Variants in PHAX observed in about 807,000 individuals in gnomAD.
The protein encoded by PHAX is phosphorylated adaptor for RNA export, also known as phosphorylated adapter RNA export protein.
A neutral mutation model predicts 41.6 loss-of-function variants in PHAX; 31 were observed. The ratio of observed to expected loss-of-function variants is 0.75; its 90% CI spans 0.56 to 1.01. The LOEUF is 1.01. Among genes scored for constraint, PHAX ranks in the 50% least tolerant of loss-of-function variants. The pLI is 0.00. For missense variants in PHAX, 453 were observed against 472.9 expected (o/e 0.96, Z 0.39); for synonymous variants, 175 against 164.9 (o/e 1.06, Z -0.47).
chr5:126,622,959 C>T (rs1304181401), intron 4 of PHAX, among the ~76,000 whole-genome samples: 1 of 151,930 alleles, frequency 6.6e-6, no homozygotes, highest in Non-Finnish European at 1.5e-5. Flanking sequence ...AACCCCATCT[C>T]CACTAAAAAT....
intron 3 of PHAX, among the ~76,000 whole-genome samples, chr5:126,613,425 A>C (rs2112834041): frequency 6.6e-6 from 1 of 152,282 alleles, no homozygotes; most frequent in Admixed American, 6.5e-5. Context: ...GTGGCATATA[A>C]AAAAGTAAAA....
At chr5:126,617,802 C>T (rs990079574) in intron 4 of PHAX, among the ~76,000 whole-genome samples, 12 of 152,224 alleles carry the variant, frequency 7.9e-5, no homozygotes, top group Middle Eastern at 3.4e-3. Flanking sequence ...TTTGTAGAGA[C>T]GGGGTCTTGC....
At chr5:126,605,649 TG>T (rs1295750261) in intron 2 of PHAX, among the ~76,000 whole-genome samples, 1 of 152,160 alleles carries the variant, frequency 6.6e-6, no homozygotes, top group Non-Finnish European at 1.5e-5. Flanking sequence ...TTGCCTGCCT[TG>T]GCCTCCCAAA....
intron 3 of PHAX, among the ~76,000 whole-genome samples, chr5:126,613,915 A>C (rs188126989): frequency 6.6e-6 from 1 of 151,870 alleles, no homozygotes; most frequent in Non-Finnish European, 1.5e-5. Flanking sequence ...AGCTGGGACT[A>C]TAGGCTTAAG....
chr5:126,604,047 A>G lies in PHAX; in HGVS notation c.574A>G (p.Asn192Asp). Reference sequence around the variant, plus strand: ...AAAAATGGGATCAAAGGAAGAGGAAAATGGGCAAGGTCATCTCAAAAGGAA... The same window carrying G: ...AAAAATGGGATCAAAGGAAGAGGAAGATGGGCAAGGTCATCTCAAAAGGAA... ...GKKMGSKEEE[N>D]GQGHLKRKRP... Residue 192 changes from asparagine to aspartate, a missense_variant, in exon 2 of 5, where the codon AAT becomes GAT. Transcript: ENST00000297540. 1 of 1,614,006 alleles carries G rather than the reference A, an allele frequency of 6.2e-7. No individual in the cohort carries two copies. Among genetic ancestry groups the G allele is most frequent in the Non-Finnish European group, 8.5e-7 (1 of 1,180,002 alleles).
rs377541434 is a variant in PHAX at position 126,603,772 on chromosome 5, G to T, written c.299G>T (p.Gly100Val). 3 of 1,614,114 alleles carry T rather than the reference G, an allele frequency of 1.9e-6. No individual in the cohort carries two copies. Among genetic ancestry groups the T allele is most frequent in the Admixed American group, 1.7e-5 (1 of 60,006 alleles). ...CCCAAACCAGAGCCTTTTCAGTTTG[G>T]CCAGAGCAGTCAGAAACCACCTGTT... ...PPPKPEPFQFGQSSQKPPVAG... is the reference protein window; with the variant it reads ...PPPKPEPFQFVQSSQKPPVAG... Residue 100 changes from glycine (G) to valine (V), a missense_variant, in exon 2 of 5, where the codon GGC becomes GTC. Gly to Val is a moderately radical substitution (Grantham distance 109). Coordinates refer to ENST00000297540, the MANE Select transcript of PHAX (RefSeq NM_032177.4).
At chr5:126,620,482 G>A (rs1405901955) in intron 4 of PHAX, among the ~76,000 whole-genome samples, 4 of 152,116 alleles carry the variant, frequency 2.6e-5, no homozygotes, top group East Asian at 3.8e-4. Context: ...TTGTATCACC[G>A]TGAATGTTAC....
intron 1 of PHAX, among the ~76,000 whole-genome samples, chr5:126,601,397 C>T (rs1045237591): frequency 6.6e-5 from 10 of 152,324 alleles, no homozygotes; most frequent in African/African-American, 1.7e-4. Context: ...GACGTCTCAC[C>T]TCCGCCTACC....
chr5:126,606,882 T>C (rs1751998262), intron 2 of PHAX, among the ~76,000 whole-genome samples: 1 of 152,014 alleles, frequency 6.6e-6, no homozygotes, highest in African/African-American at 2.4e-5. Flanking sequence ...GTCTCAAACT[T>C]CTAACCTCAG....
intron 1 of PHAX, among the ~76,000 whole-genome samples, chr5:126,602,226 C>T (rs1423849354): frequency 2.0e-5 from 3 of 152,022 alleles, no homozygotes; most frequent in Non-Finnish European, 2.9e-5. Context: ...GGACTACAGG[C>T]GCGAGCCACC....
intron 4 of PHAX, among the ~76,000 whole-genome samples, chr5:126,619,490 C>T (rs559407145): frequency 2.6e-5 from 4 of 151,550 alleles, no homozygotes; most frequent in African/African-American, 9.7e-5. Flanking sequence ...GTAGGAGAAT[C>T]GCTTGAACCT....
intron 3 of PHAX, 50 bp from the exon 4 acceptor site, chr5:126,617,200 C>T: frequency 8.6e-7 from 1 of 1,160,446 alleles, no homozygotes; most frequent in Non-Finnish European, 1.3e-6. Flanking sequence ...ATGCCTTGAC[C>T]ATTTATGGGA....
intron 2 of PHAX, among the ~76,000 whole-genome samples, 169 bp downstream of exon 2, chr5:126,604,352 G>A (rs1023123921): frequency 8.0e-6 from 1 of 125,750 alleles, no homozygotes; most frequent in Non-Finnish European, 1.6e-5. Context: ...TGCAACCTCC[G>A]CCTCCTCGCT....
At chr5:126,611,056 GT>G in intron 3 of PHAX, among the ~76,000 whole-genome samples, 1 of 90,392 alleles carries the variant, frequency 1.1e-5, no homozygotes, top group Non-Finnish European at 2.0e-5. Context: ...TCGTTTGTTT[GT>G]TTGTTTGTTT....
chr5:126,611,035 T>C (rs1032898091), intron 3 of PHAX, among the ~76,000 whole-genome samples: 3 of 146,136 alleles, frequency 2.1e-5, no homozygotes, highest in African/African-American at 8.0e-5. Flanking sequence ...TTTTTTTTGT[T>C]TTTTTTCTTT....
intron 3 of PHAX, among the ~76,000 whole-genome samples, chr5:126,614,140 C>G (rs951582414): frequency 6.6e-6 from 1 of 152,008 alleles, no homozygotes; most frequent in Non-Finnish European, 1.5e-5. Flanking sequence ...GCTCTGTCAC[C>G]CAGGGTGGAG....
At chr5:126,605,622 T>C (rs1561679066) in intron 2 of PHAX, among the ~76,000 whole-genome samples, 1 of 152,068 alleles carries the variant, frequency 6.6e-6, no homozygotes, top group Non-Finnish European at 1.5e-5. Flanking sequence ...GATCTCGATC[T>C]CCTGGCCTCA....
chr5:126,610,943 G>A (rs1470568380), intron 3 of PHAX, among the ~76,000 whole-genome samples: 1 of 152,146 alleles, frequency 6.6e-6, no homozygotes, highest in Non-Finnish European at 1.5e-5. Context: ...GTGAGCTCAA[G>A]GAATCTGCCC....
At chr5:126,621,126 A>G (rs1201443296) in intron 4 of PHAX, among the ~76,000 whole-genome samples, 1 of 151,912 alleles carries the variant, frequency 6.6e-6, no homozygotes, top group Non-Finnish European at 1.5e-5. Flanking sequence ...TGGGGCTCAA[A>G]TGATGTTCAT....
Sources: allele counts gnomAD v4.1 joint callset (sites outside exome capture counted in the v4.1 genomes callset), GRCh38; gene constraint gnomAD v4.1.1; transcripts MANE v1.5; gene names NCBI Gene and HGNC (gene_info 2026-07-23, HGNC 2026-07-21).